The following REC114 variants were observed in gnomAD, a reference collection of about 807,000 sequenced individuals.
REC114 encodes meiotic recombination protein REC114.
Under a neutral mutation model 31.3 loss-of-function variants are expected in REC114, and 27 were observed. That is an observed-to-expected ratio of 0.86 (90% confidence interval 0.64 to 1.19). The LOEUF is 1.19. Among genes scored for constraint, REC114 ranks in the 50% most tolerant of loss-of-function variants. REC114 has a pLI of 0.00. For missense variants in REC114, 344 were observed against 326.9 expected (o/e 1.05, Z -0.40); for synonymous variants, 134 against 127.7 (o/e 1.05, Z -0.33).
intron 1 of REC114, among the ~76,000 whole-genome samples, chr15:73,473,462 A>G (rs116967729): frequency 0.049 from 7,478 of 152,222 alleles, 207 homozygotes; most frequent in South Asian, 0.091. Context: ...GTCTTACAGC[A>G]ACTCTGTAAG....
At chr15:73,489,663 T>C (rs1166449523) in intron 2 of REC114, among the ~76,000 whole-genome samples, 3 of 151,898 alleles carry the variant, frequency 2.0e-5, no homozygotes, top group Non-Finnish European at 4.4e-5. Context: ...TATTAACTTA[T>C]GTAAGTTTCA....
At chr15:73,455,445 T>A (rs1892902681) in intron 1 of REC114, among the ~76,000 whole-genome samples, 1 of 152,172 alleles carries the variant, frequency 6.6e-6, no homozygotes, top group Non-Finnish European at 1.5e-5. Flanking sequence ...CTGTTCTCTA[T>A]AGCTGTTTAA....
intron 2 of REC114, among the ~76,000 whole-genome samples, chr15:73,489,175 C>T (rs1047606788): frequency 1.5e-4 from 22 of 150,068 alleles, no homozygotes; most frequent in Non-Finnish European, 3.1e-4. Context: ...ACAGTGAACC[C>T]ATTTTCTGAA....
At chr15:73,492,641 C>T (rs1413420169) in intron 2 of REC114, among the ~76,000 whole-genome samples, 2 of 152,188 alleles carry the variant, frequency 1.3e-5, no homozygotes, top group African/African-American at 4.8e-5. Flanking sequence ...CTAGCAAACT[C>T]TTGATGATGC....
At chr15:73,503,133 C>G (rs1038652259) in intron 2 of REC114, among the ~76,000 whole-genome samples, 1 of 152,200 alleles carries the variant, frequency 6.6e-6, no homozygotes, top group African/African-American at 2.4e-5. Context: ...TAAACAGTCA[C>G]TTACCATATG....
intron 1 of REC114, among the ~76,000 whole-genome samples, chr15:73,458,625 CTTTG>C (rs1163349659): frequency 1.3e-5 from 2 of 152,214 alleles, no homozygotes; most frequent in Non-Finnish European, 2.9e-5. Context: ...GAGGCTCCTT[CTTTG>C]TTCTCTGCTG....
chr15:73,476,037 T>C (rs111769452), intron 2 of REC114, among the ~76,000 whole-genome samples: 1 of 152,152 alleles, frequency 6.6e-6, no homozygotes, highest in Non-Finnish European at 1.5e-5. Context: ...CTAGGAGCAA[T>C]AGGCTATCCC....
chr15:73,540,371 T>A, intron 2 of REC114, 114 bp from the exon 3 acceptor site: 1 of 807,702 alleles, frequency 1.2e-6, no homozygotes, highest in Non-Finnish European at 2.2e-6. Flanking sequence ...ATTGCTACTA[T>A]GTTTGAGTTA....
chr15:73,465,799 G>GA (rs541100657), intron 1 of REC114, among the ~76,000 whole-genome samples: 3 of 151,730 alleles, frequency 2.0e-5, no homozygotes, highest in East Asian at 1.9e-4. Context: ...TATAAGGCAG[G>GA]AAAAAAAATC....
intron 2 of REC114, among the ~76,000 whole-genome samples, chr15:73,514,214 C>T (rs1227487281): frequency 6.6e-6 from 1 of 151,184 alleles, no homozygotes; most frequent in Non-Finnish European, 1.5e-5. Context: ...TTTCCAGGTG[C>T]GTCCGTCACC....
intron 1 of REC114, among the ~76,000 whole-genome samples, chr15:73,447,148 G>A (rs1181100776): frequency 2.6e-5 from 4 of 152,150 alleles, no homozygotes; most frequent in Admixed American, 6.5e-5. Flanking sequence ...ACTGGAGGAG[G>A]AACAGTGAGG....
intron 5 of REC114, among the ~76,000 whole-genome samples, chr15:73,556,934 G>A (rs567508111): frequency 4.6e-5 from 7 of 152,038 alleles, no homozygotes; most frequent in African/African-American, 7.2e-5. Context: ...GTTGTGTGAC[G>A]TCCACTCTCC....
chr15:73,472,923 A>T (rs1016252191), intron 1 of REC114, among the ~76,000 whole-genome samples: 3 of 152,174 alleles, frequency 2.0e-5, no homozygotes, highest in Non-Finnish European at 2.9e-5. Context: ...CAAACTCTTC[A>T]GTGTACTACC....
chr15:73,549,229 G>A (rs1894355641), intron 3 of REC114, among the ~76,000 whole-genome samples: 1 of 152,160 alleles, frequency 6.6e-6, no homozygotes, highest in Admixed American at 6.5e-5. Context: ...GGATGGAACT[G>A]GGGGTCATTA....
intron 1 of REC114, among the ~76,000 whole-genome samples, chr15:73,459,958 A>T (rs1375563840): frequency 6.6e-6 from 1 of 151,638 alleles, no homozygotes; most frequent in East Asian, 1.9e-4. Context: ...TGATATGGAA[A>T]TTTTTTTTTC....
intron 2 of REC114, among the ~76,000 whole-genome samples, chr15:73,506,041 T>C (rs1893671398): frequency 6.6e-6 from 1 of 152,024 alleles, no homozygotes; most frequent in Admixed American, 6.6e-5. Context: ...TGCCCCCTGC[T>C]TTTTTTTCCT....
At chr15:73,559,350 A>G (rs924169010) in intron 5 of REC114, among the ~76,000 whole-genome samples, 4 of 152,206 alleles carry the variant, frequency 2.6e-5, no homozygotes, top group African/African-American at 9.7e-5. Context: ...GGCTGCTCAC[A>G]TCCACTCTGC....
intron 2 of REC114, among the ~76,000 whole-genome samples, chr15:73,539,083 T>C (rs548380490): frequency 1.3e-5 from 2 of 152,158 alleles, no homozygotes; most frequent in South Asian, 4.2e-4. Context: ...CCACCAGCAA[T>C]GTGTGTGAGT....
chr15:73,521,695 A>G (rs967491975), intron 2 of REC114, among the ~76,000 whole-genome samples: 2 of 152,188 alleles, frequency 1.3e-5, no homozygotes, highest in Non-Finnish European at 2.9e-5. Context: ...TATCATCTTT[A>G]TATCATGTAT....
Sources: allele counts gnomAD v4.1 joint callset (sites outside exome capture counted in the v4.1 genomes callset), GRCh38; gene constraint gnomAD v4.1.1; transcripts MANE v1.5; gene names NCBI Gene and HGNC (gene_info 2026-07-23, HGNC 2026-07-21).